FAM136A: variants seen among roughly 807,000 people sequenced by gnomAD.
FAM136A encodes TIM double twin CX3C motif chaperone.
FAM136A carries 25 observed loss-of-function variants against 21.6 expected under a neutral mutation model. The ratio of observed to expected loss-of-function variants is 1.16; its 90% CI spans 0.84 to 1.62. The LOEUF (loss-of-function observed/expected upper bound fraction) is 1.62, where lower values mean the gene tolerates loss of function less well. FAM136A is among the 40% of genes most tolerant of loss of function. The pLI is 0.00. For missense variants in FAM136A, 338 were observed against 332.0 expected (o/e 1.02, Z -0.14); for synonymous variants, 119 against 129.4 (o/e 0.92, Z 0.55).
At chr2:70,301,428 G>C (rs760395163) in intron 1 of FAM136A, 176 bp downstream of exon 1, 1 of 1,534,994 alleles carries the variant, frequency 6.5e-7, no homozygotes, top group African/African-American at 1.4e-5. Context: ...AAGCAGGACC[G>C]AAACACACAG....
At position 70,301,643 on chromosome 2, in the gene FAM136A, G is replaced by A. The variant is rs899299816; in HGVS notation, c.369C>T (p.Leu123=). The change falls in exon 1 of 3, where the codon CTC becomes CTT. Residue 123 remains leucine (L), a synonymous_variant. Transcript: ENST00000430566. ...GCGTAAGAGGGGAAGGTGGTGGGGC[G>A]AGCGCCTGCCACCAGGGGCTTCCCA... ...RQVGSPWWQA[L]APPPSPLTRP... 3 of 1,535,622 alleles carry A rather than the reference G, an allele frequency of 2.0e-6. No homozygotes were observed. Among genetic ancestry groups the A allele is most frequent in the Admixed American group, 3.9e-5 (2 of 50,990 alleles).
At position 70,301,485 on chromosome 2, in the gene FAM136A, G is replaced by T. The variant is rs140453726; in HGVS notation, c.408+119C>A. 331 of 1,535,672 alleles carry T rather than the reference G, an allele frequency of 2.2e-4. No individual in the cohort carries two copies. The African/African-American group carries it at 4.1e-3, about 19-fold the overall frequency. The stretch of plus-strand genomic sequence containing the variant: ...AGAACAGTGTAGAAACCCGCGCTGT[G>T]TGAAGCGAGGTTGGGCGCAAGAGAA... On this transcript the variant is annotated intron_variant, in intron 1 of 2. Coordinates refer to ENST00000430566, the MANE Select transcript of FAM136A (RefSeq NM_001329752.2).
In FAM136A at chr2:70,301,988, C is replaced by T; in HGVS notation, c.24G>A (p.Arg8=). MAELQQL[R]VQEAVESMVK... ...CCATGGACTCCACCGCCTCCTGCACCCGGAGCTGCTGCAGCTCAGCCATGG... is the reference window on the plus strand; with the variant it reads ...CCATGGACTCCACCGCCTCCTGCACTCGGAGCTGCTGCAGCTCAGCCATGG... Residue 8 remains arginine (R), a synonymous_variant, in exon 1 of 3, where the codon CGG becomes CGA. Transcript: ENST00000430566. The T allele has an allele frequency of 6.2e-7, 1 of 1,605,134 alleles. No homozygotes were observed. Among genetic ancestry groups the T allele is most frequent in the South Asian group, 1.1e-5 (1 of 89,906 alleles).
At chr2:70,299,978 T>A (rs1469323904) in intron 2 of FAM136A, among the ~76,000 whole-genome samples, 1 of 152,088 alleles carries the variant, frequency 6.6e-6, no homozygotes, top group Non-Finnish European at 1.5e-5. Flanking sequence ...CTTGGCTCAC[T>A]GCAACCTGCG....
At chr2:70,299,766 A>G (rs974391436) in intron 2 of FAM136A, among the ~76,000 whole-genome samples, 1 of 151,490 alleles carries the variant, frequency 6.6e-6, no homozygotes, top group Non-Finnish European at 1.5e-5. Context: ...ACACCTGGCC[A>G]ATTTTTTGTA....
intron 2 of FAM136A, among the ~76,000 whole-genome samples, chr2:70,298,111 A>C (rs1258987369): frequency 6.7e-6 from 1 of 148,394 alleles, no homozygotes; most frequent in Non-Finnish European, 1.5e-5. Context: ...TTTTTTTTTG[A>C]GACGGAGTTT....
At chr2:70,298,757 A>C (rs1574007169) in intron 2 of FAM136A, among the ~76,000 whole-genome samples, 1 of 152,200 alleles carries the variant, frequency 6.6e-6, no homozygotes, top group Non-Finnish European at 1.5e-5. Context: ...CAGAGGCTGG[A>C]GTGGGGAAGA....
Position 70,300,991 on chromosome 2 carries a change from A to C in FAM136A, c.409-11T>G, listed in dbSNP as rs1274120777. 1 of 1,605,128 alleles carries C rather than the reference A, an allele frequency of 6.2e-7. No homozygotes were observed. Among genetic ancestry groups the C allele is most frequent in the Non-Finnish European group, 8.5e-7 (1 of 1,172,884 alleles). Reference sequence around the variant, plus strand: ...CCGGAACATGAGACCCTGGGGAGAAAGGGCAGAGAGGTTAGGTAGGAAAGT... The same window carrying C: ...CCGGAACATGAGACCCTGGGGAGAACGGGCAGAGAGGTTAGGTAGGAAAGT... On this transcript the variant is annotated splice_polypyrimidine_tract_variant and intron_variant, in intron 1 of 2. Transcript: ENST00000430566.
rs1458117423 is a variant in FAM136A, at chr2:70,301,605, T to G, written c.407A>C (p.Gln136Pro). 6.5e-7 allele frequency: 1 copy of G among 1,535,962 alleles called. No individual in the cohort carries two copies. The highest frequency in any genetic ancestry group is 1.7e-4 in the Middle Eastern group (1 of 5,986). ...PPSPLTRPLP[Q>P]GLMFRCSASC... is the part of the protein sequence containing the mutation. ...TCTGCTGGGCCTCGGGCCGCTCACC[T>G]GCGGAAGGGGCCGCGTAAGAGGGGA... is the stretch of plus-strand genomic sequence containing the variant. Residue 136 changes from glutamine to proline, a missense_variant and splice_region_variant, in exon 1 of 3, where the codon CAG (glutamine) becomes CCG (proline). Gln to Pro is a moderately conservative substitution (Grantham distance 76). Transcript: ENST00000430566.
chr2:70,302,055 A>G lies in FAM136A; in HGVS notation c.-44T>C, dbSNP rs747064659. 78 of 1,534,632 alleles carry G rather than the reference A, an allele frequency of 5.1e-5. No homozygotes were observed. The highest frequency in any genetic ancestry group is 1.6e-4 in the South Asian group (13 of 82,728). ...CGCGGCGCTCCGCGCCGGCGCCCAT[A>G]TGGAATCGGCGTACGGGCCCGCCCC... On this transcript the variant is annotated 5_prime_UTR_variant, in exon 1 of 3. Coordinates refer to ENST00000430566, the MANE Select transcript of FAM136A (RefSeq NM_001329752.2).
In FAM136A at chr2:70,301,998, T is replaced by G; in HGVS notation, c.14A>C (p.Gln5Pro). MAEL[Q>P]QLRVQEAVES... is the part of the protein sequence containing the mutation. ...CACCGCCTCCTGCACCCGGAGCTGC[T>G]GCAGCTCAGCCATGGCGACCCCGCG... Residue 5 changes from glutamine (Q) to proline (P), a missense_variant, in exon 1 of 3, where the codon CAG becomes CCG. By Grantham distance (76) the Gln-to-Pro change is moderately conservative. Coordinates refer to ENST00000430566, the MANE Select transcript of FAM136A (RefSeq NM_001329752.2). The G allele has an allele frequency of 1.2e-6, 2 of 1,602,408 alleles. No individual in the cohort carries two copies. Among genetic ancestry groups the G allele is most frequent in the South Asian group, 2.2e-5 (2 of 89,588 alleles).
intron 2 of FAM136A, 130 bp downstream of exon 2, chr2:70,300,710 G>C (rs938610913): frequency 8.2e-6 from 9 of 1,097,580 alleles, no homozygotes; most frequent in Non-Finnish European, 1.1e-5. Context: ...TGTGAAAACT[G>C]GTTGGCCATC....
chr2:70,297,782 G>A (rs1034049706), intron 2 of FAM136A, among the ~76,000 whole-genome samples: 1 of 151,774 alleles, frequency 6.6e-6, no homozygotes, highest in Middle Eastern at 3.2e-3. Context: ...ACAGGCACAC[G>A]CCACCACTCT....
chr2:70,301,241 T>C, intron 1 of FAM136A: 1 of 908,774 alleles, frequency 1.1e-6, no homozygotes, highest in South Asian at 1.8e-5. Flanking sequence ...TGAACAGAGG[T>C]TCGCCCGAGT....
In FAM136A at chr2:70,302,008, C is replaced by T. The variant is rs1697423823; in HGVS notation, c.4G>A (p.Ala2Thr). The T allele has an allele frequency of 1.9e-6, 3 of 1,594,970 alleles. No homozygotes were observed. Among genetic ancestry groups the T allele is most frequent in the East Asian group, 2.3e-5 (1 of 43,794 alleles). Residue 2 changes from alanine (A) to threonine (T), a missense_variant, in exon 1 of 3, where the codon GCT (alanine) becomes ACT (threonine). Coordinates refer to ENST00000430566, the MANE Select transcript of FAM136A (RefSeq NM_001329752.2). The part of the protein sequence containing the change: M[A>T]ELQQLRVQEA... ...TGCACCCGGAGCTGCTGCAGCTCAG[C>T]CATGGCGACCCCGCGCTGCCCCGCG...
At chr2:70,299,187 A>G (rs1016823900) in intron 2 of FAM136A, among the ~76,000 whole-genome samples, 15 of 152,254 alleles carry the variant, frequency 9.9e-5, no homozygotes, top group Non-Finnish European at 1.9e-4. Context: ...CACATTATGT[A>G]TAAGTTTCCA....
At chr2:70,300,637 A>G (rs1314324655) in intron 2 of FAM136A, 2 of 528,556 alleles carry the variant, frequency 3.8e-6, no homozygotes, top group Non-Finnish European at 6.7e-6. Context: ...CATCATTTCT[A>G]TAGGAAATGA....
At chr2:70,299,852 G>A (rs1438978306) in intron 2 of FAM136A, among the ~76,000 whole-genome samples, 3 of 151,828 alleles carry the variant, frequency 2.0e-5, no homozygotes, top group African/African-American at 4.8e-5. Flanking sequence ...TGCCTGCCTC[G>A]GCCTCCCAAA....
At chr2:70,297,620 A>AT (rs1471928059) in intron 2 of FAM136A, 143 bp from the exon 3 acceptor site, 781 of 405,222 alleles carry the variant, frequency 1.9e-3, no homozygotes, top group African/African-American at 2.3e-3. Flanking sequence ...TGATTGGCCA[A>AT]GTTTTTTTTT....
Sources: allele counts gnomAD v4.1 joint callset (sites outside exome capture counted in the v4.1 genomes callset), GRCh38; gene constraint gnomAD v4.1.1; transcripts MANE v1.5; gene names NCBI Gene and HGNC (gene_info 2026-07-23, HGNC 2026-07-21).